TBC1D22A: variants seen among roughly 807,000 people sequenced by gnomAD.
TBC1D22A encodes putative GTPase activator.
TBC1D22A carries 38 observed loss-of-function variants against 60.2 expected under a neutral mutation model. The ratio of observed to expected loss-of-function variants is 0.63; its 90% CI spans 0.49 to 0.83. The LOEUF (loss-of-function observed/expected upper bound fraction) is 0.83, where lower values mean the gene tolerates loss of function less well. Among genes scored for constraint, TBC1D22A ranks in the 40% least tolerant of loss-of-function variants. The pLI, the probability that TBC1D22A is intolerant of heterozygous loss-of-function variation, is 0.00. For missense variants in TBC1D22A, 628 were observed against 701.0 expected (o/e 0.90, Z 1.18); for synonymous variants, 302 against 281.7 (o/e 1.07, Z -0.72).
chr22:46,906,763 C>T (rs1569204105), intron 7 of TBC1D22A, among the ~76,000 whole-genome samples: 1 of 149,066 alleles, frequency 6.7e-6, no homozygotes, highest in Non-Finnish European at 1.5e-5. Context: ...TGTGTGTGTC[C>T]CAGATGGACC....
chr22:47,080,995 C>T (rs1473443716), intron 11 of TBC1D22A, among the ~76,000 whole-genome samples: 1 of 152,016 alleles, frequency 6.6e-6, no homozygotes, highest in Non-Finnish European at 1.5e-5. Flanking sequence ...TGGCGCATGC[C>T]TGTAATCCCA....
At chr22:46,942,985 AG>A (rs2072267229) in intron 8 of TBC1D22A, among the ~76,000 whole-genome samples, 1 of 152,208 alleles carries the variant, frequency 6.6e-6, no homozygotes. Flanking sequence ...CCAGGACCGC[AG>A]GGTGGAGCAG....
intron 11 of TBC1D22A, among the ~76,000 whole-genome samples, chr22:47,039,058 C>T (rs984444491): frequency 2.0e-5 from 3 of 152,278 alleles, no homozygotes; most frequent in South Asian, 2.1e-4. Context: ...GTCCCCATTA[C>T]GAATAAATTA....
intron 4 of TBC1D22A, among the ~76,000 whole-genome samples, chr22:46,874,528 T>C (rs2067443942): frequency 6.6e-6 from 1 of 151,050 alleles, no homozygotes; most frequent in Admixed American, 6.6e-5. Context: ...GATGTTGAGC[T>C]TTTTTTCATA....
At chr22:47,069,937 A>G (rs146046165) in intron 11 of TBC1D22A, among the ~76,000 whole-genome samples, 2,667 of 72,656 alleles carry the variant, frequency 0.037, 103 homozygotes, top group African/African-American at 0.062. Context: ...TGGTTGGAGC[A>G]GAGCTGACCT....
chr22:46,979,183 A>G (rs1314499232), intron 9 of TBC1D22A, among the ~76,000 whole-genome samples: 1 of 152,176 alleles, frequency 6.6e-6, no homozygotes, highest in Non-Finnish European at 1.5e-5. Context: ...AAATGTTGAT[A>G]AGTTTCATCG....
chr22:47,079,160 C>G (rs955318364), intron 11 of TBC1D22A, among the ~76,000 whole-genome samples: 13 of 148,618 alleles, frequency 8.7e-5, no homozygotes, highest in Non-Finnish European at 1.5e-5. Flanking sequence ...GATCTTGGCT[C>G]ACTGCAACTT....
chr22:46,867,974 CCA>C (rs1218460584), intron 4 of TBC1D22A, among the ~76,000 whole-genome samples: 1 of 152,168 alleles, frequency 6.6e-6, no homozygotes, highest in African/African-American at 2.4e-5. Context: ...AGCAAAAAAC[CCA>C]CAGTGTCCAG....
chr22:47,107,589 A>G (rs2065683605), intron 11 of TBC1D22A, among the ~76,000 whole-genome samples: 1 of 152,264 alleles, frequency 6.6e-6, no homozygotes, highest in Non-Finnish European at 1.5e-5. Flanking sequence ...AGATCTGATT[A>G]AACGAAGAGC....
At chr22:47,002,435 T>C (rs2061435605) in intron 10 of TBC1D22A, among the ~76,000 whole-genome samples, 1 of 152,256 alleles carries the variant, frequency 6.6e-6, no homozygotes, top group South Asian at 2.1e-4. Context: ...CACCTGGTAC[T>C]CAGTGTCATG....
chr22:46,912,777 G>A (rs569207329), intron 8 of TBC1D22A, among the ~76,000 whole-genome samples: 8 of 152,230 alleles, frequency 5.3e-5, no homozygotes, highest in East Asian at 1.9e-4. Flanking sequence ...GGGTGGTCTC[G>A]AACTCCTGAC....
chr22:46,944,017 T>C (rs2072350053), intron 8 of TBC1D22A, among the ~76,000 whole-genome samples: 1 of 152,262 alleles, frequency 6.6e-6, no homozygotes, highest in African/African-American at 2.4e-5. Flanking sequence ...AAGCATTTAG[T>C]ATAGTTTCTA....
chr22:46,992,030 G>C (rs1462186326), intron 9 of TBC1D22A, among the ~76,000 whole-genome samples: 1 of 152,220 alleles, frequency 6.6e-6, no homozygotes, highest in Non-Finnish European at 1.5e-5. Context: ...GCACTTGCCT[G>C]GCGAGTGATG....
intron 4 of TBC1D22A, among the ~76,000 whole-genome samples, chr22:46,870,504 T>A (rs2067249266): frequency 6.6e-6 from 1 of 152,248 alleles, no homozygotes; most frequent in South Asian, 2.1e-4. Context: ...TACATTTTAG[T>A]TTTCTCTCTT....
At chr22:46,973,621 G>T (rs1869425589) in intron 8 of TBC1D22A, among the ~76,000 whole-genome samples, 3 of 152,230 alleles carry the variant, frequency 2.0e-5, no homozygotes, top group African/African-American at 7.2e-5. Context: ...GTATTTTGCT[G>T]GATGACAACA....
intron 8 of TBC1D22A, among the ~76,000 whole-genome samples, chr22:46,936,891 G>T (rs527808149): frequency 6.6e-6 from 1 of 152,116 alleles, no homozygotes; most frequent in Non-Finnish European, 1.5e-5. Flanking sequence ...AAAAATAAAC[G>T]AATGAGACTA....
chr22:46,941,452 TACGGAATATATATAC>T (rs1370963961), intron 8 of TBC1D22A, among the ~76,000 whole-genome samples: 4 of 140,106 alleles, frequency 2.9e-5, no homozygotes, highest in Admixed American at 1.5e-4. Flanking sequence ...GGAATATATA[TACGGAATATATATAC>T]ACGGAATATA....
chr22:47,119,352 C>T (rs1006605748), intron 12 of TBC1D22A, among the ~76,000 whole-genome samples: 1 of 152,152 alleles, frequency 6.6e-6, no homozygotes, highest in African/African-American at 2.4e-5. Flanking sequence ...AGCTGGCCAC[C>T]CGGACACATG....
chr22:47,138,026 G>T (rs1195101287), intron 12 of TBC1D22A, among the ~76,000 whole-genome samples: 1 of 152,186 alleles, frequency 6.6e-6, no homozygotes, highest in Non-Finnish European at 1.5e-5. Context: ...CAGGTGCTCT[G>T]TGGAGTGTCA....
Sources: gnomAD v4.1 joint callset for allele counts (sites outside exome capture counted in the v4.1 genomes callset) on GRCh38, gnomAD v4.1.1 for gene constraint, MANE v1.5 for transcripts, NCBI Gene and HGNC (gene_info 2026-07-23, HGNC 2026-07-21) for gene names.